Variants in PLSCR2 observed in about 807,000 individuals in gnomAD.
PLSCR2 encodes the protein phospholipid scramblase 2, also known as PL scramblase 2.
In PLSCR2, 18 loss-of-function variants were observed where a neutral mutation model predicts 25.3. The observed-to-expected ratio is 0.71, with a 90% CI of 0.49 to 1.06. The LOEUF is 1.06. Ranked by LOEUF, PLSCR2 falls within the 50% of genes least tolerant of loss-of-function variation. The pLI is 0.00. For missense variants in PLSCR2, 243 were observed against 269.5 expected, an observed-to-expected ratio of 0.90 and a Z score of 0.69; for synonymous variants, 88 against 87.3, an observed-to-expected ratio of 1.01 and a Z score of -0.04.
At chr3:146,484,083 G>C (rs2043255598) in intron 1 of PLSCR2, among the ~76,000 whole-genome samples, 1 of 151,814 alleles carries the variant, frequency 6.6e-6, no homozygotes, top group Admixed American at 6.6e-5. Context: ...AACCAGTTTA[G>C]AGAGGAAGAT....
chr3:146,475,773 T>TC (rs1171327728), intron 1 of PLSCR2, among the ~76,000 whole-genome samples: 40 of 152,180 alleles, frequency 2.6e-4, no homozygotes, highest in Non-Finnish European at 5.9e-5. Flanking sequence ...ATCCAATAGA[T>TC]GATTTACGGT....
chr3:146,453,554 A>G (rs1262082395), intron 5 of PLSCR2, among the ~76,000 whole-genome samples: 1 of 152,144 alleles, frequency 6.6e-6, no homozygotes, highest in Non-Finnish European at 1.5e-5. Context: ...GACTTTCTCA[A>G]AACTATCTTT....
rs191649619 is a variant in PLSCR2, at chr3:146,402,922, G to A, written c.101-7001C>T. 7.5e-4 allele frequency among the ~76,000 whole-genome samples: 114 copies of A among 152,062 alleles called. 1 individual carries two copies. The highest frequency in any genetic ancestry group is 2.6e-3 in the African/African-American group (109 of 41,458). On this transcript the variant is annotated intron_variant and NMD_transcript_variant, in intron 2 of 3. Coordinates refer to the PLSCR2 transcript ENST00000463633. Reference sequence around the variant, plus strand: ...TTTCATTTGATATTGAGGACTAATCGTGATTCATAACTCATTAAAATAATA... The same window carrying A: ...TTTCATTTGATATTGAGGACTAATCATGATTCATAACTCATTAAAATAATA...
chr3:146,468,451 G>A (rs2108479098), intron 1 of PLSCR2, among the ~76,000 whole-genome samples: 1 of 152,350 alleles, frequency 6.6e-6, no homozygotes, highest in Middle Eastern at 3.4e-3. Flanking sequence ...GCCATGCCAA[G>A]ACTTCCAGAA....
intron 2 of PLSCR2, among the ~76,000 whole-genome samples, chr3:146,425,097 T>C (rs2039295936): frequency 1.4e-5 from 2 of 139,540 alleles, no homozygotes; most frequent in South Asian, 4.8e-4. Context: ...ATCTAAAAGT[T>C]ACAGCCATAG....
intron 6 of PLSCR2, among the ~76,000 whole-genome samples, chr3:146,446,517 G>A (rs1011016754): frequency 3.3e-5 from 5 of 152,060 alleles, no homozygotes; most frequent in Non-Finnish European, 5.9e-5. Flanking sequence ...AACAAGGAGC[G>A]TCTCTGTGCT....
intron 1 of PLSCR2, among the ~76,000 whole-genome samples, chr3:146,477,517 C>T (rs894620743): frequency 1.3e-5 from 2 of 152,228 alleles, no homozygotes; most frequent in African/African-American, 4.8e-5. Context: ...TGCGAGGCAG[C>T]AGCCTGGCTA....
At chr3:146,458,064 T>C (rs1461829765) in intron 3 of PLSCR2, among the ~76,000 whole-genome samples, 1 of 152,222 alleles carries the variant, frequency 6.6e-6, no homozygotes, top group African/African-American at 2.4e-5. Flanking sequence ...GTAAATGCTA[T>C]GTAAAGAGTT....
intron 3 of PLSCR2, among the ~76,000 whole-genome samples, chr3:146,394,521 C>T (rs1424689831): frequency 6.6e-6 from 1 of 152,192 alleles, no homozygotes; most frequent in African/African-American, 2.4e-5. Context: ...CCACCTCGCC[C>T]TCCCAAAGTG....
At chr3:146,449,740 C>T (rs1037198837) in intron 5 of PLSCR2, among the ~76,000 whole-genome samples, 1 of 152,046 alleles carries the variant, frequency 6.6e-6, no homozygotes, top group African/African-American at 2.4e-5. Context: ...AGGAAGGAAA[C>T]AAATGAAACT....
intron 2 of PLSCR2, among the ~76,000 whole-genome samples, chr3:146,419,208 T>C (rs960735092): frequency 1.3e-5 from 2 of 152,080 alleles, no homozygotes; most frequent in Non-Finnish European, 2.9e-5. Context: ...CAACTAAAAA[T>C]CAAATTTATC....
At chr3:146,395,894 T>A (rs527561308) in exon 3 of PLSCR2, 11 of 320,132 alleles carry the variant, frequency 3.4e-5, no homozygotes, top group Non-Finnish European at 6.8e-5. Context: ...ATCTTTCCAA[T>A]AACCATTTCC....
chr3:146,434,375 T>G (rs1366951378), intron 8 of PLSCR2, among the ~76,000 whole-genome samples: 4 of 152,124 alleles, frequency 2.6e-5, no homozygotes, highest in African/African-American at 9.7e-5. Flanking sequence ...ATATAAAATA[T>G]GTATGCCTAT....
intron 1 of PLSCR2, among the ~76,000 whole-genome samples, chr3:146,483,508 T>TATATATATATATATAA (rs1321511696): frequency 8.1e-6 from 1 of 122,898 alleles, no homozygotes; most frequent in Admixed American, 8.6e-5. Context: ...TATATATATA[T>TATATATATATATATAA]AATGTTACTA....
At chr3:146,470,404 G>T (rs1375880007) in intron 1 of PLSCR2, among the ~76,000 whole-genome samples, 6 of 152,058 alleles carry the variant, frequency 3.9e-5, no homozygotes, top group Admixed American at 2.0e-4. Flanking sequence ...AATGAGCCAG[G>T]TGTGGTGGTG....
intron 1 of PLSCR2, among the ~76,000 whole-genome samples, chr3:146,493,123 T>C (rs2043610455): frequency 6.6e-6 from 1 of 152,044 alleles, no homozygotes; most frequent in South Asian, 2.1e-4. Flanking sequence ...ATTGAAATCC[T>C]GAACAGACCA....
chr3:146,489,971 C>T (rs2043486630), intron 1 of PLSCR2, among the ~76,000 whole-genome samples: 1 of 152,014 alleles, frequency 6.6e-6, no homozygotes, highest in Non-Finnish European at 1.5e-5. Context: ...GCACATTTAC[C>T]CCATTCCGGG....
chr3:146,461,747 T>C (rs2108427355), upstream of PLSCR2: 3 of 694,452 alleles, frequency 4.3e-6, no homozygotes, highest in South Asian at 1.5e-5. Context: ...GTATGCATGG[T>C]TGTCACCAAA....
chr3:146,436,526 C>G (rs1051915647), intron 8 of PLSCR2, among the ~76,000 whole-genome samples: 20 of 152,126 alleles, frequency 1.3e-4, no homozygotes, highest in African/African-American at 4.8e-4. Context: ...ATTTTATTCT[C>G]TTTGAAGCAA....
Sources: allele counts gnomAD v4.1 joint callset (sites outside exome capture counted in the v4.1 genomes callset), GRCh38; gene constraint gnomAD v4.1.1; transcripts MANE v1.5; gene names NCBI Gene and HGNC (gene_info 2026-07-23, HGNC 2026-07-21).